KSR2: variants seen among roughly 807,000 people sequenced by gnomAD.
The protein encoded by KSR2 is kinase suppressor of ras 2.
In KSR2, 25 loss-of-function variants were observed where a neutral mutation model predicts 107.8. The observed-to-expected ratio is 0.23, with a 90% CI of 0.17 to 0.32. KSR2 has a LOEUF of 0.32. Among genes scored for constraint, KSR2 ranks in the 10% least tolerant of loss-of-function variants. KSR2 has a pLI of 1.00. For synonymous variants in KSR2, 480 were observed against 507.0 expected (o/e 0.95, Z 0.71); for missense variants, 887 against 1,268.9 (o/e 0.70, Z 4.57).
chr12:117,967,892 A>T (rs1593414348), intron 1 of KSR2, among the ~76,000 whole-genome samples, 184 bp downstream of exon 1: 1 of 152,234 alleles, frequency 6.6e-6, no homozygotes, highest in East Asian at 1.9e-4. Context: ...TATCCAATGC[A>T]GGCTTTGCAA....
At chr12:117,815,225 C>T (rs1891327470) in intron 3 of KSR2, among the ~76,000 whole-genome samples, 1 of 152,194 alleles carries the variant, frequency 6.6e-6, no homozygotes, top group Non-Finnish European at 1.5e-5. Context: ...ATTGCTGAAG[C>T]TGTGTTTGTA....
At position 117,727,289 on chromosome 12, in the gene KSR2, C is replaced by T. The variant is rs900970043; in HGVS notation, c.986+33722G>A. Among the ~76,000 whole-genome samples the T allele has an allele frequency of 2.6e-5, 4 of 151,934 alleles. No homozygotes were observed. The East Asian group carries it at 7.7e-4, about 29-fold the overall frequency. ...ACTCAGAAGGCTGAGGCGGGACGAT[C>T]ACTTGAGCCTGAGAAGTGGAAGCTG... On this transcript the variant is annotated intron_variant, in intron 4 of 19. Transcript: ENST00000339824.
chr12:117,621,022 G>T (rs986216930), intron 5 of KSR2, among the ~76,000 whole-genome samples: 9 of 152,164 alleles, frequency 5.9e-5, no homozygotes, highest in African/African-American at 9.6e-5. Flanking sequence ...GGAGGCAGTT[G>T]ATATGGTTTG....
At chr12:117,732,751 C>G (rs1887782147) in intron 4 of KSR2, among the ~76,000 whole-genome samples, 1 of 152,142 alleles carries the variant, frequency 6.6e-6, no homozygotes, top group Admixed American at 6.5e-5. Context: ...TGCCTCTAGC[C>G]TAAGGGGAAC....
chr12:117,666,980 A>T (rs920806090), intron 5 of KSR2, among the ~76,000 whole-genome samples: 1 of 152,164 alleles, frequency 6.6e-6, no homozygotes, highest in African/African-American at 2.4e-5. Context: ...GCCATGCTCA[A>T]CCCCATTTGA....
At chr12:117,739,319 C>G (rs1356516167) in intron 4 of KSR2, among the ~76,000 whole-genome samples, 2 of 152,184 alleles carry the variant, frequency 1.3e-5, no homozygotes, top group Non-Finnish European at 2.9e-5. Flanking sequence ...CGCGCCACTG[C>G]ACTCCAGCCT....
At position 117,968,640 on chromosome 12, in the gene KSR2, G is replaced by A. The variant is rs905080226; in HGVS notation, c.-385C>T. ...AGGAGAGAGAGGAGGAGGGAGAGGA[G>A]GAGGAGGGAGAGGAGGAGGAGGAGA... On this transcript the variant is annotated 5_prime_UTR_variant, in exon 1 of 20. Transcript: ENST00000339824. 1.5e-3 allele frequency: 378 copies of A among 249,326 alleles called. No individual in the cohort carries two copies. Among genetic ancestry groups the A allele is most frequent in the Non-Finnish European group, 2.4e-3 (339 of 141,834 alleles). 15.4% of individuals were successfully genotyped at this position (249,326 alleles called of 1,614,324 possible).
At chr12:117,622,018 G>C (rs1882227257) in intron 5 of KSR2, among the ~76,000 whole-genome samples, 1 of 151,940 alleles carries the variant, frequency 6.6e-6, no homozygotes, top group Non-Finnish European at 1.5e-5. Flanking sequence ...GGGAGCTAAG[G>C]AATAATCTCA....
intron 4 of KSR2, among the ~76,000 whole-genome samples, chr12:117,692,399 T>C (rs1488891595): frequency 1.1e-4 from 16 of 144,548 alleles, no homozygotes; most frequent in Non-Finnish European, 6.0e-5. Context: ...AGTTTGGTGG[T>C]TCCTCAAAAA....
intron 14 of KSR2, among the ~76,000 whole-genome samples, chr12:117,500,404 A>G (rs1172899290): frequency 6.6e-6 from 1 of 152,170 alleles, no homozygotes; most frequent in African/African-American, 2.4e-5. Context: ...ACTCTGCTGA[A>G]GGTTTTACAT....
intron 4 of KSR2, among the ~76,000 whole-genome samples, chr12:117,753,558 A>G (rs1363830010): frequency 2.0e-5 from 3 of 152,232 alleles, no homozygotes; most frequent in Non-Finnish European, 2.9e-5. Flanking sequence ...AAACTAACAC[A>G]GGAACAGAAA....
At chr12:117,863,215 C>T (rs1280234347) in intron 1 of KSR2, among the ~76,000 whole-genome samples, 1 of 152,134 alleles carries the variant, frequency 6.6e-6, no homozygotes, top group African/African-American at 2.4e-5. Flanking sequence ...AATCATGGAT[C>T]CAACTGGGCC....
chr12:117,692,808 G>A (rs975968321), intron 4 of KSR2, among the ~76,000 whole-genome samples: 1 of 152,076 alleles, frequency 6.6e-6, no homozygotes, highest in African/African-American at 2.4e-5. Context: ...GTCACATAGT[G>A]TCTGATTTCC....
chr12:117,474,098 C>T (rs1010493702), intron 17 of KSR2, among the ~76,000 whole-genome samples: 10 of 152,140 alleles, frequency 6.6e-5, no homozygotes, highest in African/African-American at 2.4e-4. Context: ...CTTCGGAATT[C>T]AGCAGTGTCA....
intron 5 of KSR2, among the ~76,000 whole-genome samples, chr12:117,600,740 C>A (rs570159512): frequency 4.5e-4 from 68 of 152,306 alleles, no homozygotes; most frequent in African/African-American, 1.5e-3. Context: ...AGAGCCAGCT[C>A]ATGGTTTTCC....
intron 4 of KSR2, among the ~76,000 whole-genome samples, chr12:117,732,521 C>G (rs559732442): frequency 1.3e-3 from 193 of 152,212 alleles, no homozygotes; most frequent in African/African-American, 4.4e-3. Context: ...AACTCCTAAC[C>G]TCAAGTGATC....
chr12:117,510,192 A>T (rs562317851), intron 14 of KSR2, among the ~76,000 whole-genome samples: 1 of 152,246 alleles, frequency 6.6e-6, no homozygotes, highest in Non-Finnish European at 1.5e-5. Context: ...TACCAAAAGC[A>T]CCAAGCCCAC....
chr12:117,584,898 C>G (rs944366417), intron 5 of KSR2, among the ~76,000 whole-genome samples: 1 of 152,226 alleles, frequency 6.6e-6, no homozygotes, highest in African/African-American at 2.4e-5. Context: ...AAAGGCCACA[C>G]AGCCAGGCAC....
intron 9 of KSR2, among the ~76,000 whole-genome samples, chr12:117,551,370 A>C (rs2137321853): frequency 6.6e-6 from 1 of 152,148 alleles, no homozygotes; most frequent in South Asian, 2.1e-4. Flanking sequence ...CCATGCCCTG[A>C]GTATTCAGAA....
Sources: allele counts gnomAD v4.1 joint callset (sites outside exome capture counted in the v4.1 genomes callset), GRCh38; gene constraint gnomAD v4.1.1; transcripts MANE v1.5; gene names NCBI Gene and HGNC (gene_info 2026-07-23, HGNC 2026-07-21).